Variants in TEX14 observed in about 807,000 individuals in gnomAD.
The protein encoded by TEX14 is testis expressed 14, intercellular bridge forming factor.
Under a neutral mutation model 178.6 loss-of-function variants are expected in TEX14, and 168 were observed. The observed-to-expected ratio is 0.94, with a 90% CI of 0.83 to 1.07. The LOEUF is 1.07. Ranked by LOEUF, TEX14 falls within the 50% of genes least tolerant of loss-of-function variation. TEX14 has a pLI of 0.00. For synonymous variants in TEX14, 626 were observed against 634.1 expected (o/e 0.99, Z 0.19); for missense variants, 1,730 against 1,753.6 (o/e 0.99, Z 0.24).
chr17:58,689,206 C>T (rs565636647), intron 1 of TEX14, among the ~76,000 whole-genome samples: 5 of 150,396 alleles, frequency 3.3e-5, no homozygotes, highest in African/African-American at 9.8e-5. Context: ...GTGAAACAGG[C>T]GTGAGACATC....
At chr17:58,632,998 T>A (rs2046356881) in intron 2 of TEX14, among the ~76,000 whole-genome samples, 1 of 152,186 alleles carries the variant, frequency 6.6e-6, no homozygotes, top group Non-Finnish European at 1.5e-5. Context: ...GAAAGGTAAG[T>A]GTATTTCTCG....
chr17:58,662,375 A>C (rs2047129645), intron 1 of TEX14, among the ~76,000 whole-genome samples: 1 of 150,986 alleles, frequency 6.6e-6, no homozygotes, highest in Admixed American at 6.6e-5. Context: ...GCTTGTACAT[A>C]ATACATATTA....
intron 19 of TEX14, among the ~76,000 whole-genome samples, chr17:58,580,096 G>C (rs1438113477): frequency 6.6e-6 from 1 of 152,218 alleles, no homozygotes; most frequent in African/African-American, 2.4e-5. Context: ...TACGAGGTAA[G>C]AAGTCAGAAC....
intron 1 of TEX14, among the ~76,000 whole-genome samples, chr17:58,671,342 A>G (rs2047301049): frequency 6.6e-6 from 1 of 152,222 alleles, no homozygotes; most frequent in African/African-American, 2.4e-5. Context: ...ACATAGCAGT[A>G]TGAATTCTGG....
In TEX14 at chr17:58,601,852, G is replaced by C. The variant is rs749351108; in HGVS notation, c.1632C>G (p.His544Gln). The C allele has an allele frequency of 6.2e-7, 1 of 1,613,112 alleles. No homozygotes were observed. The highest frequency in any genetic ancestry group is 8.5e-7 in the Non-Finnish European group (1 of 1,179,912). ...VNVYLGLTSE[H>Q]PRETPDMEII... ...TTTCCATGTCAGGTGTCTCTCTGGG[G>C]TGTTCTGAAGTCAGTCCTAGATAGA... The change falls in exon 13 of 32, where the codon CAC (histidine) becomes CAG (glutamine). Residue 544 changes from histidine to glutamine, a missense_variant. By Grantham distance (24) the His-to-Gln change is conservative. Transcript: ENST00000349033.
chr17:58,616,003 T>G (rs2045863753), intron 7 of TEX14, among the ~76,000 whole-genome samples, 172 bp downstream of exon 7: 1 of 152,130 alleles, frequency 6.6e-6, no homozygotes, highest in Non-Finnish European at 1.5e-5. Flanking sequence ...CAACAAAGGA[T>G]CATCTGGCCA....
intron 8 of TEX14, 67 bp from the exon 9 acceptor site, chr17:58,613,611 G>A: frequency 1.3e-6 from 2 of 1,534,802 alleles, no homozygotes; most frequent in South Asian, 2.3e-5. Context: ...ATGAGCGTAG[G>A]CCTTTTGAAC....
chr17:58,690,156 T>A (rs1348878183), intron 1 of TEX14, among the ~76,000 whole-genome samples: 2 of 150,408 alleles, frequency 1.3e-5, no homozygotes, highest in African/African-American at 4.9e-5. Context: ...GGTTTTTTTG[T>A]TTTTTTTATT....
chr17:58,569,067 TATTCAACCAGGCCATC>T lies in TEX14; in HGVS notation c.3886+109_3886+124del, dbSNP rs2044464740. 1 of 738,934 alleles carries T rather than the reference TATTCAACCAGGCCATC, an allele frequency of 1.4e-6. No individual in the cohort carries two copies. The highest frequency in any genetic ancestry group is 3.3e-5 in the Admixed American group (1 of 29,982). 45.8% of individuals were successfully genotyped at this position (738,934 alleles called of 1,614,324 possible). On this transcript the variant is annotated intron_variant, in intron 26 of 31. Transcript: ENST00000349033. This position sits in a 1 kb window ranked among gnomAD's most constrained non-coding sequence, Gnocchi z 4.1. ...AATTTTGGAAAACTGCCCCTTCCTA[TATTCAACCAGGCCATC>T]ATACAGCCTTTTATACTAGTGTTCA... is the stretch of plus-strand genomic sequence containing the variant.
At chr17:58,643,948 C>T (rs967695299) in intron 2 of TEX14, among the ~76,000 whole-genome samples, 8 of 151,106 alleles carry the variant, frequency 5.3e-5, no homozygotes, top group Admixed American at 1.3e-4. Context: ...TCTCCCCCGC[C>T]CCCCCCAAAT....
chr17:58,660,143 G>A (rs569553295), intron 1 of TEX14, among the ~76,000 whole-genome samples: 5 of 150,312 alleles, frequency 3.3e-5, no homozygotes, highest in East Asian at 2.0e-4. Context: ...GGTGGCTCAC[G>A]TCTGTAATCC....
At chr17:58,613,758 C>T (rs375563361) in intron 8 of TEX14, among the ~76,000 whole-genome samples, 1 of 152,244 alleles carries the variant, frequency 6.6e-6, no homozygotes. Context: ...CCTCCGCCTC[C>T]TGGGTTGAAG....
intron 13 of TEX14, among the ~76,000 whole-genome samples, chr17:58,600,792 T>C (rs1287674396): frequency 6.6e-6 from 1 of 152,054 alleles, no homozygotes; most frequent in Non-Finnish European, 1.5e-5. Flanking sequence ...TGGCTGGAAT[T>C]GGAAGGCCTG....
At chr17:58,595,106 C>A (rs2045248931) in intron 14 of TEX14, among the ~76,000 whole-genome samples, 1 of 151,810 alleles carries the variant, frequency 6.6e-6, no homozygotes, top group Non-Finnish European at 1.5e-5. Context: ...CCACTGTCAC[C>A]AAGAAAAGGT....
chr17:58,662,815 G>C (rs1293516980), intron 1 of TEX14, among the ~76,000 whole-genome samples: 1 of 152,114 alleles, frequency 6.6e-6, no homozygotes, highest in Non-Finnish European at 1.5e-5. Context: ...AAGCAGTTGT[G>C]ACTGTTAAAA....
At chr17:58,657,130 A>G (rs1344941183) in intron 1 of TEX14, among the ~76,000 whole-genome samples, 4 of 151,092 alleles carry the variant, frequency 2.6e-5, no homozygotes, top group African/African-American at 9.7e-5. Context: ...ATTTTTATTT[A>G]TTTATTATTA....
intron 3 of TEX14, among the ~76,000 whole-genome samples, chr17:58,624,806 G>A (rs2046096144): frequency 6.6e-6 from 1 of 152,168 alleles, no homozygotes; most frequent in Admixed American, 6.5e-5. Flanking sequence ...TCATAATTTA[G>A]TTAATAATCC....
At chr17:58,662,915 C>T (rs886262773) in intron 1 of TEX14, among the ~76,000 whole-genome samples, 2 of 151,400 alleles carry the variant, frequency 1.3e-5, no homozygotes, top group East Asian at 1.9e-4. Flanking sequence ...GTCAGGAGAT[C>T]GAGACCATGG....
In TEX14 at chr17:58,616,271, A is replaced by G; in HGVS notation, c.671T>C (p.Leu224Pro). The change falls in exon 7 of 32, where the codon CTA (leucine) becomes CCA (proline). Residue 224 changes from leucine to proline, a missense_variant. This residue lies in a region of TEX14 where 789 missense variants were observed against 681.2 expected (regional missense o/e 1.16). Coordinates refer to ENST00000349033, the MANE Select transcript of TEX14 (RefSeq NM_031272.5). ...YLTGATQMAY[L>P]GSLPVIGEKE... ...TTCTCCAATGACCGGAAGAGATCCTAGATAGGCCATCTGTGTCGCCCCAGT... is the reference window on the plus strand; with the variant it reads ...TTCTCCAATGACCGGAAGAGATCCTGGATAGGCCATCTGTGTCGCCCCAGT... 6.2e-7 allele frequency: 1 copy of G among 1,613,968 alleles called. No individual in the cohort carries two copies. The highest frequency in any genetic ancestry group is 8.5e-7 in the Non-Finnish European group (1 of 1,179,920).
Sources: allele counts gnomAD v4.1 joint callset (sites outside exome capture counted in the v4.1 genomes callset), GRCh38; gene constraint gnomAD v4.1.1; regional missense constraint gnomAD v4.1.1; non-coding constraint Gnocchi (gnomAD v3.1); transcripts MANE v1.5; gene names NCBI Gene and HGNC (gene_info 2026-07-23, HGNC 2026-07-21).